Variants in ARHGAP22 observed in about 807,000 individuals in gnomAD.
ARHGAP22 encodes Rho GTPase activating protein 22, also known as rho GTPase-activating protein 22.
A neutral mutation model predicts 59.1 loss-of-function variants in ARHGAP22; 48 were observed. The observed-to-expected ratio is 0.81, with a 90% CI of 0.64 to 1.03. The LOEUF (loss-of-function observed/expected upper bound fraction) is 1.03, where lower values mean the gene tolerates loss of function less well. Ranked by LOEUF, ARHGAP22 falls within the 50% of genes least tolerant of loss-of-function variation. The pLI is 0.00. For synonymous variants in ARHGAP22, 445 were observed against 416.4 expected (o/e 1.07, Z -0.84); for missense variants, 1,015 against 958.7 (o/e 1.06, Z -0.78).
upstream of ARHGAP22, among the ~76,000 whole-genome samples, chr10:48,609,754 A>G (rs894083876): frequency 1.3e-5 from 2 of 152,096 alleles, no homozygotes; most frequent in African/African-American, 2.4e-5. Flanking sequence ...CATTTCTTCC[A>G]TGCCCAAGGC....
intron 7 of ARHGAP22, 88 bp downstream of exon 7, chr10:48,454,000 C>A: frequency 7.2e-7 from 1 of 1,397,842 alleles, no homozygotes; most frequent in Non-Finnish European, 1.0e-6. Context: ...CCCCCTCTGA[C>A]AAGGAAGAGT....
chr10:48,653,577 G>T (rs1487609826), upstream of ARHGAP22, among the ~76,000 whole-genome samples: 1 of 152,260 alleles, frequency 6.6e-6, no homozygotes, highest in African/African-American at 2.4e-5. Flanking sequence ...AGCAGAAGGA[G>T]GCAGCAGGCG....
intron 3 of ARHGAP22, among the ~76,000 whole-genome samples, chr10:48,530,695 A>G (rs1446225906): frequency 6.6e-6 from 1 of 152,242 alleles, no homozygotes; most frequent in African/African-American, 2.4e-5. Flanking sequence ...TGATCAGGGA[A>G]ATGCAAATCA....
At chr10:48,643,358 G>T (rs2062138348) in intron 1 of ARHGAP22, among the ~76,000 whole-genome samples, 1 of 152,090 alleles carries the variant, frequency 6.6e-6, no homozygotes, top group South Asian at 2.1e-4. Flanking sequence ...CAACCCAAAT[G>T]CTCATCAATG....
intron 1 of ARHGAP22, among the ~76,000 whole-genome samples, chr10:48,636,793 C>T (rs1173468368): frequency 6.6e-6 from 1 of 152,160 alleles, no homozygotes; most frequent in East Asian, 1.9e-4. Flanking sequence ...AAAGCCCAGA[C>T]CTTGAGTGGC....
chr10:48,476,452 A>G (rs1427408180), intron 4 of ARHGAP22, among the ~76,000 whole-genome samples: 1 of 152,174 alleles, frequency 6.6e-6, no homozygotes, highest in East Asian at 1.9e-4. Flanking sequence ...AAACAGTCAA[A>G]AAAGGACTGA....
intron 3 of ARHGAP22, among the ~76,000 whole-genome samples, chr10:48,494,995 A>G (rs1045853432): frequency 6.6e-6 from 1 of 152,190 alleles, no homozygotes; most frequent in Non-Finnish European, 1.5e-5. Flanking sequence ...AGCCTTCGTC[A>G]AGGAGCTGCG....
In ARHGAP22 at chr10:48,484,097, T is replaced by C. The variant is rs139945549; in HGVS notation, c.323-4333A>G. On this transcript the variant is annotated intron_variant, in intron 3 of 9. Coordinates refer to ENST00000249601, the MANE Select transcript of ARHGAP22 (RefSeq NM_021226.4). ...TGGGGTCTAGTCTCAGTCTTCTGCA[T>C]ATGGATATCCAGTTTTCCAGCATCA... 7.2e-4 allele frequency among the ~76,000 whole-genome samples: 110 copies of C among 152,358 alleles called. 1 individual carries two copies. The highest frequency in any genetic ancestry group is 1.9e-3 in the African/African-American group (80 of 41,590).
Position 48,556,976 on chromosome 10 carries a change from C to T in ARHGAP22, c.235-1426G>A, listed in dbSNP as rs187985077. ...CCTCCCATGTGCTGCTGGAATCCTG[C>T]GCTCCAAGGACACATGGAAGTGACT... On this transcript the variant is annotated intron_variant, in intron 2 of 9. Coordinates refer to ENST00000249601, the MANE Select transcript of ARHGAP22 (RefSeq NM_021226.4). Among the ~76,000 whole-genome samples, 148 of 152,282 alleles carry T rather than the reference C, an allele frequency of 9.7e-4. 1 individual carries two copies. Among genetic ancestry groups the T allele is most frequent in the Middle Eastern group, 6.8e-3 (2 of 294 alleles).
At position 48,473,542 on chromosome 10, in the gene ARHGAP22, C is replaced by T. The variant is rs550140858; in HGVS notation, c.451+6094G>A. ...TGAGGACTATTTAGTACTCAGAGAA[C>T]GCTGAGGACTATTTAGTACTCAGAG... On this transcript the variant is annotated intron_variant, in intron 4 of 9. Transcript: ENST00000249601. 4.3e-3 allele frequency among the ~76,000 whole-genome samples: 322 copies of T among 74,452 alleles called. 8 individuals carry two copies. The South Asian group carries it at 0.089, about 21-fold the overall frequency. The allele number at this position is 74,452 out of a possible 152,430, so 48.8% of individuals were successfully genotyped here.
chr10:48,549,308 T>C (rs1694371903), intron 3 of ARHGAP22, among the ~76,000 whole-genome samples: 1 of 152,176 alleles, frequency 6.6e-6, no homozygotes. Context: ...GGCAATGGGA[T>C]GGGCTGTTCT....
intron 3 of ARHGAP22, among the ~76,000 whole-genome samples, chr10:48,553,222 C>T (rs112255482): frequency 3.9e-5 from 6 of 152,240 alleles, no homozygotes; most frequent in South Asian, 2.1e-4. Flanking sequence ...GACCGCTCAC[C>T]GCCCACCACC....
chr10:48,522,826 C>T (rs1241701097), intron 3 of ARHGAP22, among the ~76,000 whole-genome samples: 2 of 152,212 alleles, frequency 1.3e-5, no homozygotes, highest in African/African-American at 4.8e-5. Flanking sequence ...CTACAGCACT[C>T]ACATTTTTCA....
intron 3 of ARHGAP22, among the ~76,000 whole-genome samples, chr10:48,498,595 C>T (rs1409466810): frequency 6.6e-6 from 1 of 152,192 alleles, no homozygotes. Flanking sequence ...TTCTCATACC[C>T]GCTCTGCACA....
chr10:48,584,313 TC>T (rs1379707701), intron 1 of ARHGAP22, among the ~76,000 whole-genome samples: 1 of 152,194 alleles, frequency 6.6e-6, no homozygotes, highest in Non-Finnish European at 1.5e-5. Context: ...GCCCATGTGG[TC>T]CCACTAGCCT....
upstream of ARHGAP22, among the ~76,000 whole-genome samples, chr10:48,605,889 C>T (rs1346490239): frequency 1.3e-5 from 2 of 152,262 alleles, no homozygotes; most frequent in South Asian, 2.1e-4. Context: ...AGCAGCAGGG[C>T]GGGCACCAGA....
At chr10:48,435,042 T>C in the ARHGAP22 span, 2 of 420,660 alleles carry the variant, frequency 4.8e-6, no homozygotes, top group Non-Finnish European at 9.1e-6. Flanking sequence ...ACTTGGGCCA[T>C]CGGGGGGTGG....
chr10:48,646,001 T>C (rs978980325), intron 1 of ARHGAP22, among the ~76,000 whole-genome samples: 1 of 152,200 alleles, frequency 6.6e-6, no homozygotes, highest in Non-Finnish European at 1.5e-5. Flanking sequence ...TTTTTCAAAG[T>C]TGCAGAATAC....
intron 9 of ARHGAP22, among the ~76,000 whole-genome samples, chr10:48,448,282 C>T (rs546485055): frequency 6.6e-6 from 1 of 152,320 alleles, no homozygotes; most frequent in South Asian, 2.1e-4. Flanking sequence ...GCCCTCCAAC[C>T]TTCTACCCTG....
Sources: allele counts gnomAD v4.1 joint callset (sites outside exome capture counted in the v4.1 genomes callset), GRCh38; gene constraint gnomAD v4.1.1; transcripts MANE v1.5; gene names NCBI Gene and HGNC (gene_info 2026-07-23, HGNC 2026-07-21).